UBR3: variants seen among roughly 807,000 people sequenced by gnomAD.
UBR3 encodes ubiquitin protein ligase E3 component n-recognin 3, also known as E3 ubiquitin-protein ligase UBR3.
In UBR3, 85 loss-of-function variants were observed where a neutral mutation model predicts 243.2. The ratio of observed to expected loss-of-function variants is 0.35; its 90% CI spans 0.29 to 0.42. The LOEUF (loss-of-function observed/expected upper bound fraction) is 0.42. Among genes scored for constraint, UBR3 ranks in the 10% least tolerant of loss-of-function variants. The probability of loss-of-function intolerance (pLI) is 1.00; values close to 1 mark genes in which losing one functional copy is unlikely to be tolerated. For missense variants in UBR3, 1,686 were observed against 2,300.8 expected, an observed-to-expected ratio of 0.73 and a Z score of 5.47; for synonymous variants, 748 against 799.8, an observed-to-expected ratio of 0.94 and a Z score of 1.09.
At chr2:170,021,284 T>C (rs1204349155) in intron 30 of UBR3, among the ~76,000 whole-genome samples, 1 of 152,154 alleles carries the variant, frequency 6.6e-6, no homozygotes, top group African/African-American at 2.4e-5. Flanking sequence ...AATTTTTGTC[T>C]TAGTCTATAA....
intron 6 of UBR3, among the ~76,000 whole-genome samples, chr2:169,893,304 A>G (rs552408035): frequency 2.6e-4 from 40 of 152,344 alleles, no homozygotes; most frequent in African/African-American, 8.9e-4. Context: ...TTGTTAATGT[A>G]TATTTTCTTT....
intron 26 of UBR3, among the ~76,000 whole-genome samples, chr2:169,995,409 G>A (rs1019928733): frequency 6.6e-6 from 1 of 151,974 alleles, no homozygotes; most frequent in Admixed American, 6.6e-5. Flanking sequence ...TCAGTGTTTC[G>A]TATTAGAAAT....
At chr2:169,839,433 A>G (rs182724077) in intron 1 of UBR3, among the ~76,000 whole-genome samples, 5 of 152,362 alleles carry the variant, frequency 3.3e-5, no homozygotes, top group Admixed American at 3.3e-4. Flanking sequence ...GATGGAAGAA[A>G]TAAGACCTAA....
At chr2:170,045,003 T>TA (rs2091049006) in intron 32 of UBR3, among the ~76,000 whole-genome samples, 1 of 152,162 alleles carries the variant, frequency 6.6e-6, no homozygotes, top group Non-Finnish European at 1.5e-5. Flanking sequence ...GTTTAAGACA[T>TA]AAAATCATCA....
intron 8 of UBR3, among the ~76,000 whole-genome samples, chr2:169,902,070 T>G (rs956084857): frequency 1.3e-5 from 2 of 152,230 alleles, no homozygotes; most frequent in Admixed American, 1.3e-4. Flanking sequence ...TGTATGTACA[T>G]GAGCACATGA....
intron 5 of UBR3, among the ~76,000 whole-genome samples, chr2:169,886,954 A>G (rs1295976430): frequency 1.3e-5 from 2 of 152,154 alleles, no homozygotes; most frequent in Admixed American, 1.3e-4. Flanking sequence ...AGCCCTGTGT[A>G]GTCTGTGTTA....
intron 29 of UBR3, among the ~76,000 whole-genome samples, chr2:170,011,760 C>T (rs1264579528): frequency 1.3e-5 from 2 of 151,290 alleles, no homozygotes; most frequent in African/African-American, 4.9e-5. Context: ...TTAAAATGAT[C>T]TAAAAATTAA....
At chr2:169,885,226 G>A (rs2084044194) in intron 5 of UBR3, among the ~76,000 whole-genome samples, 1 of 152,144 alleles carries the variant, frequency 6.6e-6, no homozygotes, top group Non-Finnish European at 1.5e-5. Context: ...AAGGAAGATA[G>A]GATGAGAATA....
chr2:170,014,731 GT>G (rs1262192479), intron 29 of UBR3: 1 of 152,584 alleles, frequency 6.6e-6, no homozygotes, highest in Non-Finnish European at 1.5e-5. Context: ...TTAGAAGTCC[GT>G]AAGAGAGACT....
At chr2:170,018,624 T>C (rs1469961559) in intron 30 of UBR3, among the ~76,000 whole-genome samples, 1 of 152,168 alleles carries the variant, frequency 6.6e-6, no homozygotes, top group Non-Finnish European at 1.5e-5. Flanking sequence ...CTAGGGAATT[T>C]AGAGGTTTGT....
intron 20 of UBR3, 141 bp downstream of exon 20, chr2:169,942,775 A>G: frequency 1.2e-6 from 1 of 858,022 alleles, no homozygotes; most frequent in Non-Finnish European, 1.6e-6. Flanking sequence ...ATATGTTATA[A>G]TCACATGTAT....
chr2:169,943,860 A>T (rs1287596095), intron 20 of UBR3, among the ~76,000 whole-genome samples: 2 of 151,800 alleles, frequency 1.3e-5, no homozygotes, highest in Non-Finnish European at 1.5e-5. Context: ...TAGGAATTTT[A>T]TTTTTTTTCT....
intron 1 of UBR3, among the ~76,000 whole-genome samples, chr2:169,846,439 C>T (rs985855364): frequency 1.4e-4 from 21 of 151,906 alleles, no homozygotes; most frequent in African/African-American, 1.7e-4. Flanking sequence ...GGGCTGGGTG[C>T]GCTGGCTCAC....
At position 169,878,505 on chromosome 2, in the gene UBR3, A is replaced by C. The variant is rs2083701497; in HGVS notation, c.989-20A>C. The C allele has an allele frequency of 6.5e-7, 1 of 1,548,596 alleles. No homozygotes were observed. Among genetic ancestry groups the C allele is most frequent in the Non-Finnish European group, 8.7e-7 (1 of 1,145,242 alleles). ...TATGTAGCAACTATGAAGGACAACT[A>C]TTTTTCTTCTCCTCCAAAGGTTTCA... On this transcript the variant is annotated intron_variant, in intron 4 of 38. Transcript: ENST00000272793.
At chr2:170,000,767 G>A (rs1339722176) in intron 26 of UBR3, among the ~76,000 whole-genome samples, 1 of 152,070 alleles carries the variant, frequency 6.6e-6, no homozygotes, top group African/African-American at 2.4e-5. Flanking sequence ...AATGAGAAGA[G>A]ACTTGCACTG....
At chr2:169,981,056 A>G (rs1195677180) in intron 24 of UBR3, among the ~76,000 whole-genome samples, 1 of 152,110 alleles carries the variant, frequency 6.6e-6, no homozygotes, top group Non-Finnish European at 1.5e-5. Flanking sequence ...AGTAAAGTAT[A>G]ATGCATTATA....
chr2:169,925,595 C>G (rs901105735), intron 13 of UBR3, 24 bp from the exon 14 acceptor site: 6 of 1,525,596 alleles, frequency 3.9e-6, no homozygotes, highest in Non-Finnish European at 5.3e-6. Context: ...ATAATTTATT[C>G]TTTGTCCAAT....
chr2:169,896,832 G>T (rs1281096478), intron 8 of UBR3, 97 bp downstream of exon 8: 9 of 788,288 alleles, frequency 1.1e-5, no homozygotes, highest in Non-Finnish European at 1.1e-5. Flanking sequence ...TACTAATAAT[G>T]ATACTTAGTA....
chr2:170,033,575 A>AC (rs1464993635), intron 31 of UBR3, among the ~76,000 whole-genome samples: 129 of 15,858 alleles, frequency 8.1e-3, no homozygotes, highest in African/African-American at 0.014. Context: ...TGGTTTTTCC[A>AC]CACCCACCCC....
Sources: allele counts gnomAD v4.1 joint callset (sites outside exome capture counted in the v4.1 genomes callset), GRCh38; gene constraint gnomAD v4.1.1; transcripts MANE v1.5; gene names NCBI Gene and HGNC (gene_info 2026-07-23, HGNC 2026-07-21).